ENTREP2: variants seen among roughly 807,000 people sequenced by gnomAD.
ENTREP2 encodes endosomal transmembrane epsin interactor 2.
chr15:29,196,305 C>T, the ENTREP2 span: 4 of 1,000,306 alleles, frequency 4.0e-6, no homozygotes, highest in East Asian at 1.1e-4. Context: ...AAGATATTCC[C>T]TCTTGCACTG....
At chr15:29,585,496 A>T in the ENTREP2 span, among the ~76,000 whole-genome samples, 1 of 152,208 alleles carries the variant, frequency 6.6e-6, no homozygotes, top group African/African-American at 2.4e-5. Context: ...AAAACTATGG[A>T]CGAGAGAAAG....
At chr15:29,407,907 G>C in the ENTREP2 span, among the ~76,000 whole-genome samples, 10 of 151,988 alleles carry the variant, frequency 6.6e-5, no homozygotes, top group Non-Finnish European at 1.2e-4. Context: ...TCGAACTCCT[G>C]ACCTCCAGGT....
chr15:29,131,382 T>C, the ENTREP2 span, among the ~76,000 whole-genome samples: 1 of 151,838 alleles, frequency 6.6e-6, no homozygotes, highest in East Asian at 2.0e-4. Context: ...CCACCTGGCA[T>C]GCTGCCACCA....
At chr15:29,227,442 G>A in the ENTREP2 span, among the ~76,000 whole-genome samples, 1 of 152,154 alleles carries the variant, frequency 6.6e-6, no homozygotes, top group Non-Finnish European at 1.5e-5. Context: ...CAGGAAAAGC[G>A]GAGGAGCGGC....
the ENTREP2 span, among the ~76,000 whole-genome samples, chr15:29,306,664 ATTTTTTTTTTTTTTTTTTTTTTT>A: frequency 4.9e-3 from 377 of 77,342 alleles, 3 homozygotes; most frequent in Admixed American, 6.4e-3. Context: ...ATAATTGGTA[ATTTTTTTTTTTTTTTTTTTTTTT>A]TTTTTTTTTT....
At chr15:29,581,709 G>GT in the ENTREP2 span, among the ~76,000 whole-genome samples, 3 of 148,982 alleles carry the variant, frequency 2.0e-5, no homozygotes, top group Non-Finnish European at 4.5e-5. Context: ...CCAGCAAGTT[G>GT]GTTTTTTTTT....
chr15:29,194,035 C>T, the ENTREP2 span, among the ~76,000 whole-genome samples: 3,490 of 152,206 alleles, frequency 0.023, 122 homozygotes, highest in African/African-American at 0.08. Context: ...TATGTCAAGT[C>T]TCTTCAAAGT....
At chr15:29,441,143 A>C in the ENTREP2 span, among the ~76,000 whole-genome samples, 2 of 152,232 alleles carry the variant, frequency 1.3e-5, no homozygotes, top group South Asian at 4.1e-4. Context: ...TTGAAAGGAA[A>C]TTCAGACACA....
chr15:29,352,533 G>T, the ENTREP2 span, among the ~76,000 whole-genome samples: 8 of 151,848 alleles, frequency 5.3e-5, no homozygotes, highest in African/African-American at 1.9e-4. Flanking sequence ...TCATTCCCCG[G>T]CTGCCTCCAC....
the ENTREP2 span, among the ~76,000 whole-genome samples, chr15:29,183,841 C>A: frequency 3.5e-4 from 53 of 152,130 alleles, no homozygotes; most frequent in African/African-American, 1.2e-3. Flanking sequence ...GGAGGGGACT[C>A]AGATGGGTCT....
the ENTREP2 span, among the ~76,000 whole-genome samples, chr15:29,331,923 G>C: frequency 6.6e-6 from 1 of 152,290 alleles, no homozygotes; most frequent in Non-Finnish European, 1.5e-5. Context: ...GAAAGTCTAA[G>C]GGGAGGGACA....
the ENTREP2 span, among the ~76,000 whole-genome samples, chr15:29,604,540 A>G: frequency 6.6e-6 from 1 of 152,364 alleles, no homozygotes; most frequent in African/African-American, 2.4e-5. Flanking sequence ...CAAGGTAATT[A>G]TAAATCCCTG....
At chr15:29,342,501 C>T in the ENTREP2 span, among the ~76,000 whole-genome samples, 6 of 152,122 alleles carry the variant, frequency 3.9e-5, no homozygotes, top group Non-Finnish European at 5.9e-5. Flanking sequence ...ATTCCAGAAC[C>T]GGGATTCCTG....
the ENTREP2 span, among the ~76,000 whole-genome samples, chr15:29,540,328 A>T: frequency 6.6e-6 from 1 of 152,212 alleles, no homozygotes; most frequent in East Asian, 1.9e-4. Flanking sequence ...CTGCTATCAA[A>T]CATTAGAACT....
the ENTREP2 span, among the ~76,000 whole-genome samples, chr15:29,642,646 C>T: frequency 0.011 from 1,631 of 151,282 alleles, 24 homozygotes; most frequent in African/African-American, 0.038. Flanking sequence ...CGGTGTTTTG[C>T]TCTGTCCCCA....
chr15:29,377,845 A>AATAATAATAATC, the ENTREP2 span, among the ~76,000 whole-genome samples: 1 of 138,058 alleles, frequency 7.2e-6, no homozygotes, highest in Admixed American at 7.3e-5. Flanking sequence ...TAATAATAAT[A>AATAATAATAATC]ATAATAATAA....
chr15:29,358,221 A>G, the ENTREP2 span, among the ~76,000 whole-genome samples: 2 of 152,236 alleles, frequency 1.3e-5, no homozygotes, highest in East Asian at 3.9e-4. Flanking sequence ...ATTGTGATCT[A>G]TTCACACCAT....
chr15:29,136,624 G>T, the ENTREP2 span: 1 of 1,045,974 alleles, frequency 9.6e-7, no homozygotes, highest in Non-Finnish European at 1.3e-6. Context: ...TCCCATCATT[G>T]TGAAATCAAA....
the ENTREP2 span, among the ~76,000 whole-genome samples, chr15:29,353,221 T>G: frequency 6.6e-6 from 1 of 152,120 alleles, no homozygotes; most frequent in South Asian, 2.1e-4. Context: ...CCTAGGTGAT[T>G]GAAAAGGTTT....
Sources: gnomAD v4.1 joint callset for allele counts (sites outside exome capture counted in the v4.1 genomes callset) on GRCh38, gnomAD v4.1.1 for gene constraint, MANE v1.5 for transcripts, NCBI Gene and HGNC (gene_info 2026-07-23, HGNC 2026-07-21) for gene names.